Variants in SNAP25 observed in about 807,000 individuals in gnomAD.
SNAP25 encodes synaptosome associated protein 25, also known as synaptosomal-associated protein 25.
In SNAP25, 3 loss-of-function variants were observed where a neutral mutation model predicts 28.7. The ratio of observed to expected loss-of-function variants is 0.10; its 90% CI spans 0.05 to 0.27. The LOEUF is 0.27. SNAP25 is among the 10% of genes least tolerant of loss of function. SNAP25 has a pLI of 1.00. For synonymous variants in SNAP25, 61 were observed against 88.1 expected (o/e 0.69, Z 1.72); for missense variants, 117 against 278.7 (o/e 0.42, Z 4.13).
intron 1 of SNAP25, among the ~76,000 whole-genome samples, chr20:10,230,960 A>G (rs1032801374): frequency 2.6e-5 from 4 of 152,108 alleles, no homozygotes; most frequent in Non-Finnish European, 4.4e-5. Context: ...CAGTGGCCCA[A>G]TCCCAGCCCC....
At chr20:10,296,850 C>T (rs900446128) in intron 5 of SNAP25, 75 bp from the exon 6 acceptor site, 5 of 1,601,046 alleles carry the variant, frequency 3.1e-6, no homozygotes, top group Non-Finnish European at 4.3e-6. Context: ...CGATTCTTCG[C>T]TTGAAGAAGT....
chr20:10,247,609 G>A (rs2063152166), intron 1 of SNAP25, among the ~76,000 whole-genome samples: 2 of 152,138 alleles, frequency 1.3e-5, no homozygotes, highest in Admixed American at 6.5e-5. Context: ...TTCCATGACT[G>A]ATGCGCCTTC....
At chr20:10,227,791 C>G (rs1346326236) in intron 1 of SNAP25, among the ~76,000 whole-genome samples, 1 of 152,072 alleles carries the variant, frequency 6.6e-6, no homozygotes, top group African/African-American at 2.4e-5. Flanking sequence ...TTTTACTGTT[C>G]ACTAGGATGA....
intron 1 of SNAP25, among the ~76,000 whole-genome samples, chr20:10,265,913 A>T (rs1378194151): frequency 6.6e-6 from 1 of 152,174 alleles, no homozygotes; most frequent in Non-Finnish European, 1.5e-5. Flanking sequence ...ACTCCTAACA[A>T]GCTCCCTGGT....
At chr20:10,225,911 GC>G (rs1474918750) in intron 1 of SNAP25, among the ~76,000 whole-genome samples, 2 of 151,624 alleles carry the variant, frequency 1.3e-5, no homozygotes, top group East Asian at 3.9e-4. Context: ...TCTCTTAGGT[GC>G]CCCCCTGAGG....
intron 1 of SNAP25, among the ~76,000 whole-genome samples, chr20:10,225,846 C>T (rs949222508): frequency 6.6e-6 from 1 of 152,054 alleles, no homozygotes; most frequent in African/African-American, 2.4e-5. Context: ...ATGCCTGTAA[C>T]CTTGAATCAG....
chr20:10,284,870 TACACATGTAC>T (rs1229867204), intron 4 of SNAP25, 98 bp downstream of exon 4: 1 of 879,212 alleles, frequency 1.1e-6, no homozygotes. Context: ...TGACATGTGT[TACACATGTAC>T]ACGAATGTGA....
intron 1 of SNAP25, among the ~76,000 whole-genome samples, chr20:10,260,506 G>A (rs1160492818): frequency 1.3e-5 from 2 of 151,824 alleles, no homozygotes; most frequent in Non-Finnish European, 3.0e-5. Flanking sequence ...ACCAGCAGCA[G>A]CATCAGAGAA....
At chr20:10,257,933 A>T (rs188147312) in intron 1 of SNAP25, among the ~76,000 whole-genome samples, 142 of 152,024 alleles carry the variant, frequency 9.3e-4, no homozygotes, top group African/African-American at 3.1e-3. Context: ...AGCAAATTTC[A>T]TAGAATAGTG....
At position 10,296,949 on chromosome 20, in the gene SNAP25, A is replaced by C; in HGVS notation, c.306A>C (p.Lys102Asn). ...GGCTTAAATCAAGTGATGCTTACAA[A>C]AAAGCCTGGGGCAATAATCAGGACG... ...CNKLKSSDAY[K>N]KAWGNNQDGV... Residue 102 changes from lysine to asparagine, a missense_variant, in exon 6 of 8, where the codon AAA becomes AAC. Lys to Asn is a moderately conservative substitution (Grantham distance 94). Around this residue, in one of 3 missense-constraint regions of SNAP25, gnomAD observed 88 missense variants for 206.9 expected, o/e 0.43. Transcript: ENST00000254976. The C allele has an allele frequency of 6.2e-7, 1 of 1,614,202 alleles. No individual in the cohort carries two copies. The highest frequency in any genetic ancestry group is 8.5e-7 in the Non-Finnish European group (1 of 1,180,032).
chr20:10,302,557 G>C (rs909402717), intron 7 of SNAP25, among the ~76,000 whole-genome samples: 1 of 152,168 alleles, frequency 6.6e-6, no homozygotes, highest in Non-Finnish European at 1.5e-5. Flanking sequence ...GGGCTGAACA[G>C]CTCCTTCTAA....
chr20:10,295,382 A>G (rs2123132886), intron 5 of SNAP25, among the ~76,000 whole-genome samples: 1 of 152,316 alleles, frequency 6.6e-6, no homozygotes. Flanking sequence ...CTGAGGAGGG[A>G]GGAGATGGGG....
chr20:10,231,535 C>T (rs1008937333), intron 1 of SNAP25: 5 of 152,190 alleles, frequency 3.3e-5, no homozygotes, highest in Admixed American at 3.3e-4. Flanking sequence ...GGTCCAATCT[C>T]CTGGAGTTTC....
intron 1 of SNAP25, among the ~76,000 whole-genome samples, chr20:10,231,130 C>T (rs1387759978): frequency 6.6e-6 from 1 of 150,936 alleles, no homozygotes; most frequent in East Asian, 2.0e-4. Flanking sequence ...CTCTGTGTCA[C>T]CCCCCACACT....
intron 1 of SNAP25, among the ~76,000 whole-genome samples, chr20:10,246,062 A>G (rs745561919): frequency 3.9e-5 from 6 of 152,216 alleles, no homozygotes; most frequent in Non-Finnish European, 8.8e-5. Context: ...AATTCATTTT[A>G]TGCCTGAATA....
chr20:10,299,244 TA>T (rs2064180620), intron 6 of SNAP25, 23 bp from the exon 7 acceptor site: 2 of 1,612,472 alleles, frequency 1.2e-6, no homozygotes, highest in Non-Finnish European at 1.7e-6. Context: ...CTCTGTCTTC[TA>T]AAACTTGCTC....
rs146813920 is a variant in SNAP25 at position 10,236,217 on chromosome 20, C to G, written c.-64+17240C>G. On this transcript the variant is annotated intron_variant, in intron 1 of 7. Coordinates refer to ENST00000254976, the MANE Select transcript of SNAP25 (RefSeq NM_130811.4). ...CTGTCCCCATAGACCTTGGAGCCCT[C>G]AAGTTTAACTTTGGATATCCTTGGT... Among the ~76,000 whole-genome samples the G allele has an allele frequency of 7.0e-4, 107 of 152,162 alleles. 1 individual carries two copies. The highest frequency in any genetic ancestry group is 2.5e-3 in the African/African-American group (102 of 41,526).
At position 10,293,108 on chromosome 20, in the gene SNAP25, G is replaced by A; in HGVS notation, c.164-53G>A. 7.8e-7 allele frequency: 1 copy of A among 1,283,884 alleles called. No individual in the cohort carries two copies. The highest frequency in any genetic ancestry group is 1.0e-6 in the Non-Finnish European group (1 of 964,942). The allele number at this position is 1,283,884 out of a possible 1,614,324, so 79.5% of individuals were successfully genotyped here. ...TCTGAAGTTTTGTCTTTTTTTCTTT[G>A]TCCTTTTCCATCTGCTTCATTCTGT... On this transcript the variant is annotated intron_variant, in intron 4 of 7. Transcript: ENST00000254976. The surrounding 1 kb of genome is among the most constrained non-coding windows in gnomAD (Gnocchi z 5.6).
chr20:10,243,082 T>C (rs995560793), intron 1 of SNAP25, among the ~76,000 whole-genome samples: 1 of 152,210 alleles, frequency 6.6e-6, no homozygotes, highest in Non-Finnish European at 1.5e-5. Flanking sequence ...ACCGTTCAGC[T>C]GTGTAGCTCT....
Sources: gnomAD v4.1 joint callset for allele counts (sites outside exome capture counted in the v4.1 genomes callset) on GRCh38, gnomAD v4.1.1 for gene constraint, gnomAD v4.1.1 regional missense constraint, Gnocchi (gnomAD v3.1) non-coding constraint, MANE v1.5 for transcripts, NCBI Gene and HGNC (gene_info 2026-07-23, HGNC 2026-07-21) for gene names.